Variants in RYR3 observed in about 807,000 individuals in gnomAD.
RYR3 encodes the protein ryanodine receptor 3.
Under a neutral mutation model 584.3 loss-of-function variants are expected in RYR3, and 207 were observed. That is an observed-to-expected ratio of 0.35 (90% CI 0.32 to 0.40). The LOEUF (loss-of-function observed/expected upper bound fraction) is 0.40, where lower values mean the gene tolerates loss of function less well. Ranked by LOEUF, RYR3 falls within the 10% of genes least tolerant of loss-of-function variation. The probability of loss-of-function intolerance (pLI) is 1.00; values close to 1 mark genes in which losing one functional copy is unlikely to be tolerated. For missense variants in RYR3, 5,616 were observed against 6,089.2 expected, an observed-to-expected ratio of 0.92 and a Z score of 2.59; for synonymous variants, 2,416 against 2,248.5, an observed-to-expected ratio of 1.07 and a Z score of -2.11.
intron 30 of RYR3, 129 bp downstream of exon 30, chr15:33,647,589 ATCTT>A (rs1220845323): frequency 1.6e-4 from 104 of 652,402 alleles, no homozygotes; most frequent in African/African-American, 7.7e-4. Context: ...TTTAATATCC[ATCTT>A]GATGCTTCCA....
intron 27 of RYR3, among the ~76,000 whole-genome samples, chr15:33,642,836 G>A (rs1400436903): frequency 6.6e-6 from 1 of 152,222 alleles, no homozygotes; most frequent in East Asian, 1.9e-4. Flanking sequence ...TCCTCAGTTG[G>A]CAGTGCTGTG....
chr15:33,714,184 G>A (rs2067321917), intron 43 of RYR3, among the ~76,000 whole-genome samples: 1 of 152,142 alleles, frequency 6.6e-6, no homozygotes, highest in East Asian at 1.9e-4. Flanking sequence ...TAATCAACAA[G>A]GAGAAACAAC....
intron 64 of RYR3, among the ~76,000 whole-genome samples, chr15:33,774,469 A>C (rs2073854970): frequency 6.6e-6 from 1 of 152,226 alleles, no homozygotes; most frequent in Non-Finnish European, 1.5e-5. Flanking sequence ...ATTGGTAGTG[A>C]ACCCTCGTCT....
At position 33,820,818 on chromosome 15, in the gene RYR3, T is replaced by A; in HGVS notation, c.10815+6T>A. The A allele has an allele frequency of 6.5e-7, 1 of 1,539,512 alleles. No homozygotes were observed. Among genetic ancestry groups the A allele is most frequent in the Non-Finnish European group, 8.7e-7 (1 of 1,145,974 alleles). ...ACAAGGAAAAAACATTCGAAGTAAG[T>A]TCTCATGAAGAATAAAAATAGAGCC... is the stretch of plus-strand genomic sequence containing the variant. On this transcript the variant is annotated splice_donor_region_variant and intron_variant, in intron 78 of 103. Transcript: ENST00000634891.
chr15:33,651,150 A>G (rs2062440332), intron 31 of RYR3, among the ~76,000 whole-genome samples: 2 of 152,242 alleles, frequency 1.3e-5, no homozygotes, highest in Non-Finnish European at 1.5e-5. Context: ...ACTATATGGT[A>G]CACATTCAAT....
intron 1 of RYR3, among the ~76,000 whole-genome samples, chr15:33,329,934 G>T (rs1013986733): frequency 6.6e-6 from 1 of 152,132 alleles, no homozygotes; most frequent in Non-Finnish European, 1.5e-5. Flanking sequence ...GAGTCGGGAA[G>T]GAAATATTTG....
rs1268823475 is a variant in RYR3 at position 33,642,783 on chromosome 15, G to T, written c.3557-1528G>T. Among the ~76,000 whole-genome samples, 3 of 152,312 alleles carry T rather than the reference G, an allele frequency of 2.0e-5. No individual in the cohort carries two copies. In the East Asian group the frequency reaches 5.8e-4, roughly 29 times the overall value. On this transcript the variant is annotated intron_variant, in intron 27 of 103. Transcript: ENST00000634891. Reference sequence around the variant, plus strand: ...TACATGCACAGGTGCTTGTCCAAGGGACCAGTCCGTTGACTGTCCTGAGAG... The same window carrying T: ...TACATGCACAGGTGCTTGTCCAAGGTACCAGTCCGTTGACTGTCCTGAGAG...
intron 18 of RYR3, among the ~76,000 whole-genome samples, chr15:33,609,326 C>T (rs775803204): frequency 1.3e-5 from 2 of 151,992 alleles, no homozygotes; most frequent in Admixed American, 6.6e-5. Context: ...CCCAGCACTT[C>T]GGGAGGCCGA....
chr15:33,696,225 GA>G lies in RYR3; in HGVS notation c.5870del (p.Lys1957ArgfsTer8), dbSNP rs1414335320. ...EEEERCPTTL[K>X]ELISQTMICW... is the part of the protein sequence containing the mutation. ...CTCCTGTTGTCCTTCCAGCAACATTGAAGGAACTCATCTCACAGACGATGAT... is the reference window on the plus strand; with the variant it reads ...CTCCTGTTGTCCTTCCAGCAACATTGAGGAACTCATCTCACAGACGATGAT... On this transcript the variant is annotated frameshift_variant, in exon 39 of 104. Transcript: ENST00000634891. LOFTEE classifies it high-confidence loss of function. 6.2e-7 allele frequency: 1 copy of G among 1,613,016 alleles called. No individual in the cohort carries two copies. Among genetic ancestry groups the G allele is most frequent in the East Asian group, 2.2e-5 (1 of 44,856 alleles).
intron 16 of RYR3, among the ~76,000 whole-genome samples, chr15:33,590,223 G>A (rs1301837043): frequency 1.3e-5 from 2 of 152,132 alleles, no homozygotes; most frequent in East Asian, 1.9e-4. Context: ...GGCAGGAACC[G>A]GCCATTTTCA....
rs574894452 is a variant in RYR3 at position 33,823,132 on chromosome 15, A to C, written c.11072+60A>C. On this transcript the variant is annotated intron_variant, in intron 81 of 103. Coordinates refer to ENST00000634891, the MANE Select transcript of RYR3 (RefSeq NM_001036.6). The stretch of plus-strand genomic sequence containing the variant: ...ACTCTTCCCTCTAAGCATAGGAGGC[A>C]GGGGAAGGGGAGCACAAAATATACT... 8.2e-5 allele frequency: 116 copies of C among 1,415,256 alleles called. No individual in the cohort carries two copies. The African/African-American group carries it at 1.5e-3, about 19-fold the overall frequency. The allele number at this position is 1,415,256 out of a possible 1,614,324, so 87.7% of individuals were successfully genotyped here. A position where few individuals can be genotyped will look rare whatever the true frequency, so the allele number is the denominator to read the frequency against.
At chr15:33,847,292 A>C (rs1219655782) in intron 93 of RYR3, 1 of 152,260 alleles carries the variant, frequency 6.6e-6, no homozygotes, top group East Asian at 1.9e-4. Context: ...GGCAAGAGGT[A>C]ACTCTTTACA....
At chr15:33,704,293 A>AAAAG (rs2066523538) in intron 42 of RYR3, among the ~76,000 whole-genome samples, 1 of 151,968 alleles carries the variant, frequency 6.6e-6, no homozygotes, top group Non-Finnish European at 1.5e-5. Context: ...AAAAAAAAAA[A>AAAAG]AAAGAAAGAA....
At chr15:33,351,378 G>GA (rs1973227758) in intron 1 of RYR3, among the ~76,000 whole-genome samples, 2 of 152,092 alleles carry the variant, frequency 1.3e-5, no homozygotes, top group African/African-American at 4.8e-5. Context: ...CCAATCAATA[G>GA]AAAAGAGGGA....
chr15:33,666,618 A>G (rs1169929887), intron 36 of RYR3, among the ~76,000 whole-genome samples: 1 of 100,020 alleles, frequency 1.0e-5, no homozygotes, highest in Non-Finnish European at 2.5e-5. Context: ...CAATTTTAAA[A>G]CAGTGATATC....
At chr15:33,769,344 C>T (rs555197152) in intron 62 of RYR3, among the ~76,000 whole-genome samples, 172 bp downstream of exon 62, 11 of 152,314 alleles carry the variant, frequency 7.2e-5, no homozygotes, top group Admixed American at 2.0e-4. Context: ...GTTCACATAA[C>T]GAGAGCCACT....
At chr15:33,852,783 T>A in intron 94 of RYR3, 1 of 384,782 alleles carries the variant, frequency 2.6e-6, no homozygotes, top group Non-Finnish European at 4.8e-6. Context: ...ATCACAATTC[T>A]TGGCTCCAAA....
intron 67 of RYR3, among the ~76,000 whole-genome samples, chr15:33,789,986 C>CTTTTTTTTTTTTTTTTTTTTTTTTTTT (rs757370991): frequency 1.9e-5 from 1 of 53,256 alleles, no homozygotes; most frequent in African/African-American, 1.1e-4. Flanking sequence ...GCCTGGCCTT[C>CTTTTTTTTTTTTTTTTTTTTTTTTTTT]TTTTTTTTTT....
At chr15:33,527,571 G>A (rs1167992000) in intron 3 of RYR3, among the ~76,000 whole-genome samples, 4 of 138,304 alleles carry the variant, frequency 2.9e-5, no homozygotes, top group African/African-American at 1.1e-4. Context: ...GCAACAGAGG[G>A]ACACAACTCT....
Sources: gnomAD v4.1 joint callset for allele counts (sites outside exome capture counted in the v4.1 genomes callset) on GRCh38, gnomAD v4.1.1 for gene constraint, MANE v1.5 for transcripts, NCBI Gene and HGNC (gene_info 2026-07-23, HGNC 2026-07-21) for gene names.